Variants in NRG3 observed in about 807,000 individuals in gnomAD.
The protein encoded by NRG3 is pro-neuregulin-3, membrane-bound isoform.
In NRG3, 31 loss-of-function variants were observed where a neutral mutation model predicts 66.9. The ratio of observed to expected loss-of-function variants is 0.46; its 90% CI spans 0.35 to 0.63. The LOEUF (loss-of-function observed/expected upper bound fraction) is 0.63, where lower values mean the gene tolerates loss of function less well. Ranked by LOEUF, NRG3 falls within the 20% of genes least tolerant of loss-of-function variation. NRG3 has a pLI of 0.00. For missense variants in NRG3, 910 were observed against 878.9 expected (o/e 1.04, Z -0.45); for synonymous variants, 393 against 359.4 (o/e 1.09, Z -1.06).
intron 1 of NRG3, among the ~76,000 whole-genome samples, chr10:82,171,937 C>G (rs930804288): frequency 6.6e-6 from 1 of 152,090 alleles, no homozygotes; most frequent in Non-Finnish European, 1.5e-5. Flanking sequence ...ATTTTTATCA[C>G]TCAGCAATGT....
At chr10:82,716,526 G>A (rs1423433670) in intron 2 of NRG3, among the ~76,000 whole-genome samples, 1 of 152,136 alleles carries the variant, frequency 6.6e-6, no homozygotes, top group Non-Finnish European at 1.5e-5. Context: ...CCCCATCGAG[G>A]TCCTGTTAAA....
intron 2 of NRG3, among the ~76,000 whole-genome samples, chr10:82,582,610 T>C (rs1274715918): frequency 6.6e-6 from 1 of 151,998 alleles, no homozygotes; most frequent in Non-Finnish European, 1.5e-5. Flanking sequence ...TATATCTGCA[T>C]CTGGACAAGG....
intron 1 of NRG3, among the ~76,000 whole-genome samples, chr10:82,182,356 A>T (rs1167757127): frequency 2.0e-5 from 3 of 151,386 alleles, no homozygotes; most frequent in African/African-American, 7.3e-5. Context: ...TTTATGTTTC[A>T]TTGATTTTTT....
intron 1 of NRG3, among the ~76,000 whole-genome samples, chr10:82,060,731 G>C (rs571655987): frequency 6.6e-6 from 1 of 152,238 alleles, no homozygotes; most frequent in African/African-American, 2.4e-5. Context: ...TGGAATTATT[G>C]GTGCCTCTCA....
intron 1 of NRG3, among the ~76,000 whole-genome samples, chr10:81,909,613 A>G (rs1398467439): frequency 6.6e-6 from 1 of 152,224 alleles, no homozygotes; most frequent in Admixed American, 6.5e-5. Context: ...ATCACTACAG[A>G]GTAACAACAA....
intron 1 of NRG3, among the ~76,000 whole-genome samples, chr10:82,205,778 G>C (rs1028247300): frequency 6.6e-6 from 1 of 152,098 alleles, no homozygotes; most frequent in Non-Finnish European, 1.5e-5. Flanking sequence ...TCAATTCTTT[G>C]AACAGTCTAC....
chr10:82,189,738 C>T (rs373355307), intron 1 of NRG3, among the ~76,000 whole-genome samples: 2 of 149,206 alleles, frequency 1.3e-5, no homozygotes, highest in Non-Finnish European at 1.5e-5. Context: ...TGCAGTGAGC[C>T]GAGATCGCAC....
intron 1 of NRG3, among the ~76,000 whole-genome samples, chr10:82,055,379 A>G (rs2063790269): frequency 6.6e-6 from 1 of 150,912 alleles, no homozygotes; most frequent in African/African-American, 2.4e-5. Flanking sequence ...CGGGAGGCTG[A>G]GGCAGGAGAA....
chr10:82,132,588 A>G (rs554047600), intron 1 of NRG3, among the ~76,000 whole-genome samples: 12 of 114,280 alleles, frequency 1.1e-4, no homozygotes, highest in African/African-American at 3.0e-4. Context: ...CGGGCCTAAT[A>G]GAAGTTTGGA....
At chr10:82,170,458 C>G (rs543545825) in intron 1 of NRG3, among the ~76,000 whole-genome samples, 12 of 151,704 alleles carry the variant, frequency 7.9e-5, no homozygotes, top group African/African-American at 2.9e-4. Flanking sequence ...TAATATGCGT[C>G]TTGTCCAAAC....
chr10:82,574,296 A>G (rs560425484), intron 2 of NRG3, among the ~76,000 whole-genome samples: 3 of 151,946 alleles, frequency 2.0e-5, no homozygotes, highest in Middle Eastern at 6.8e-3. Flanking sequence ...TACAAAGACA[A>G]ATACCACATG....
intron 1 of NRG3, among the ~76,000 whole-genome samples, chr10:82,270,781 A>G (rs7072481): frequency 0.29 from 43,907 of 151,998 alleles, 6,508 homozygotes; most frequent in African/African-American, 0.32. Flanking sequence ...AGCAGTATCT[A>G]CTGTAGACAC....
At chr10:82,493,047 G>A (rs1843291989) in intron 2 of NRG3, among the ~76,000 whole-genome samples, 1 of 152,094 alleles carries the variant, frequency 6.6e-6, no homozygotes, top group Admixed American at 6.5e-5. Flanking sequence ...AGTGCTCTCT[G>A]GAACAAGCGC....
chr10:82,427,121 A>C (rs1419793403), intron 2 of NRG3, among the ~76,000 whole-genome samples: 2 of 152,264 alleles, frequency 1.3e-5, no homozygotes, highest in Non-Finnish European at 2.9e-5. Context: ...TTGCAAGATA[A>C]TATCATCTTC....
intron 2 of NRG3, among the ~76,000 whole-genome samples, chr10:82,390,496 T>G (rs1248808692): frequency 6.6e-6 from 1 of 152,158 alleles, no homozygotes; most frequent in Non-Finnish European, 1.5e-5. Context: ...TCTCTTTAAA[T>G]AGGGGGACCT....
chr10:82,365,708 C>CAA (rs147433041), intron 2 of NRG3, among the ~76,000 whole-genome samples: 1 of 151,242 alleles, frequency 6.6e-6, no homozygotes, highest in Non-Finnish European at 1.5e-5. Flanking sequence ...AAGTATCATG[C>CAA]AAAAAAACAA....
At chr10:82,166,982 G>A (rs2072123445) in intron 1 of NRG3, among the ~76,000 whole-genome samples, 1 of 151,066 alleles carries the variant, frequency 6.6e-6, no homozygotes, top group Admixed American at 6.6e-5. Flanking sequence ...TCTTATCTTT[G>A]TTCCTATGTA....
intron 2 of NRG3, among the ~76,000 whole-genome samples, chr10:82,665,273 C>A (rs59527879): frequency 0.025 from 3,744 of 152,300 alleles, 148 homozygotes; most frequent in African/African-American, 0.085. Context: ...CGTACTTCTT[C>A]AGTTCTTGAA....
chr10:82,870,378 A>G (rs1316111223), intron 4 of NRG3, among the ~76,000 whole-genome samples: 1 of 152,200 alleles, frequency 6.6e-6, no homozygotes, highest in Non-Finnish European at 1.5e-5. Flanking sequence ...AATTATGGAT[A>G]TAATTGTTGT....
Sources: gnomAD v4.1 joint callset for allele counts (sites outside exome capture counted in the v4.1 genomes callset) on GRCh38, gnomAD v4.1.1 for gene constraint, MANE v1.5 for transcripts, NCBI Gene and HGNC (gene_info 2026-07-23, HGNC 2026-07-21) for gene names.